CHML: variants seen among roughly 807,000 people sequenced by gnomAD.
CHML encodes the protein rab proteins geranylgeranyltransferase component A 2.
CHML carries 20 observed loss-of-function variants against 30.4 expected under a neutral mutation model. That is an observed-to-expected ratio of 0.66 (90% CI 0.46 to 0.95). The LOEUF (loss-of-function observed/expected upper bound fraction) is 0.95, where lower values mean the gene tolerates loss of function less well. Ranked by LOEUF, CHML falls within the 40% of genes least tolerant of loss-of-function variation. The pLI is 0.00. For synonymous variants in CHML, 281 were observed against 275.0 expected, an observed-to-expected ratio of 1.02 and a Z score of -0.22; for missense variants, 795 against 768.5, an observed-to-expected ratio of 1.03 and a Z score of -0.41.
At chr1:241,639,657 A>T (rs374279072) in intron 1 of CHML, among the ~76,000 whole-genome samples, 12 of 148,846 alleles carry the variant, frequency 8.1e-5, no homozygotes, top group African/African-American at 3.0e-4. Flanking sequence ...AGTCCTGGAC[A>T]GCGTGGGGCG....
At position 241,634,249 on chromosome 1, in the gene CHML, A is replaced by T; in HGVS notation, c.1518T>A (p.Tyr506Ter). ...SSTMTCMKDT[Y>*]LVHLTCSSSK... ...AAGATGAACATGTCAAATGTACCAG[A>T]TAGGTGTCCTTCATGCATGTCATGG... Residue 506 changes from tyrosine (Y) to a stop codon, truncating the protein, a stop_gained, in exon 2 of 2, where the codon TAT becomes TAA. Coordinates refer to ENST00000366553, the MANE Select transcript of CHML (RefSeq NM_001381853.1). LOFTEE classifies it high-confidence loss of function. 1 of 1,613,960 alleles carries T rather than the reference A, an allele frequency of 6.2e-7. No individual in the cohort carries two copies. The highest frequency in any genetic ancestry group is 8.5e-7 in the Non-Finnish European group (1 of 1,179,900).
intron 1 of CHML, among the ~76,000 whole-genome samples, chr1:241,637,887 G>T (rs1664960302): frequency 6.6e-6 from 1 of 152,116 alleles, no homozygotes; most frequent in African/African-American, 2.4e-5. Flanking sequence ...GCATCAAGAA[G>T]CTACTTCCCT....
rs899344201 is a variant in CHML at position 241,632,901 on chromosome 1, C to T, written c.*895G>A. Reference sequence around the variant, plus strand: ...TTCTCCTTAGGAATTCCTAAGAATTCCTCCTTAGGAATTTCAGAACAGCCC... The same window carrying T: ...TTCTCCTTAGGAATTCCTAAGAATTTCTCCTTAGGAATTTCAGAACAGCCC... On this transcript the variant is annotated 3_prime_UTR_variant, in exon 2 of 2. Coordinates refer to ENST00000366553, the MANE Select transcript of CHML (RefSeq NM_001381853.1). 1.3e-5 allele frequency: 2 copies of T among 152,058 alleles called. No individual in the cohort carries two copies. Among genetic ancestry groups the T allele is most frequent in the Non-Finnish European group, 2.9e-5 (2 of 67,986 alleles). The allele number at this position is 152,058 out of a possible 1,614,324, so 9.4% of individuals were successfully genotyped here.
At position 241,634,680 on chromosome 1, in the gene CHML, A is replaced by G; in HGVS notation, c.1087T>C (p.Phe363Leu). Reference sequence around the variant, plus strand: ...CCAAACCGTCCGAGACACTGAAGGAAGTTTTTAGTTGCGTTAAGACCATCT... The same window carrying G: ...CCAAACCGTCCGAGACACTGAAGGAGGTTTTTAGTTGCGTTAAGACCATCT... ...TIDGLNATKNFLQCLGRFGNT... is the reference protein window; with the variant it reads ...TIDGLNATKNLLQCLGRFGNT... The change falls in exon 2 of 2, where the codon TTC (phenylalanine) becomes CTC (leucine). Residue 363 changes from phenylalanine (F) to leucine (L), a missense_variant. Coordinates refer to ENST00000366553, the MANE Select transcript of CHML (RefSeq NM_001381853.1). 6.2e-7 allele frequency: 1 copy of G among 1,614,030 alleles called. No homozygotes were observed. The highest frequency in any genetic ancestry group is 8.5e-7 in the Non-Finnish European group (1 of 1,179,902).
chr1:241,637,228 G>A (rs1011700462), intron 1 of CHML, among the ~76,000 whole-genome samples: 2 of 152,316 alleles, frequency 1.3e-5, no homozygotes, highest in Non-Finnish European at 1.5e-5. Flanking sequence ...TCTAGCCCAA[G>A]ATGACTAATA....
Position 241,633,315 on chromosome 1 carries a change from A to T in CHML, c.*481T>A, listed in dbSNP as rs531780167. The T allele has an allele frequency of 6.2e-6, 1 of 160,978 alleles. No individual in the cohort carries two copies. The highest frequency in any genetic ancestry group is 5.8e-5 in the Admixed American group (1 of 17,202). 10.0% of individuals were successfully genotyped at this position (160,978 alleles called of 1,614,324 possible). On this transcript the variant is annotated 3_prime_UTR_variant, in exon 2 of 2. Coordinates refer to ENST00000366553, the MANE Select transcript of CHML (RefSeq NM_001381853.1). ...AGTTGCTATTCCTACCACCATGTCTATACATTTATATTATATGCAAAAGAT... is the reference window on the plus strand; with the variant it reads ...AGTTGCTATTCCTACCACCATGTCTTTACATTTATATTATATGCAAAAGAT...
rs767300055 is a variant in CHML at position 241,640,053 on chromosome 1, TGTA to T, written c.-482_-480del. 3 of 1,612,494 alleles carry T rather than the reference TGTA, an allele frequency of 1.9e-6. No individual in the cohort carries two copies. The highest frequency in any genetic ancestry group is 4.5e-5 in the East Asian group (2 of 44,610). On this transcript the variant is annotated 5_prime_UTR_variant, in exon 1 of 2. Coordinates refer to ENST00000366553, the MANE Select transcript of CHML (RefSeq NM_001381853.1). The stretch of plus-strand genomic sequence containing the variant: ...GTGGGAGTGCGGAGCCGCTGGAACT[TGTA>T]GTAGAGGACGAGCACCAGCAGGTTG...
At position 241,634,907 on chromosome 1, in the gene CHML, T is replaced by C. The variant is rs2148028129; in HGVS notation, c.860A>G (p.Lys287Arg). The C allele has an allele frequency of 6.2e-7, 1 of 1,611,284 alleles. No homozygotes were observed. The highest frequency in any genetic ancestry group is 1.1e-5 in the South Asian group (1 of 90,404). The change falls in exon 2 of 2, where the codon AAG (lysine) becomes AGG (arginine). Residue 287 changes from lysine to arginine, a missense_variant. Physicochemically the swap from Lys to Arg is conservative, Grantham distance 26. Transcript: ENST00000366553. ...CCTCTTTTCAACCATGGTGAGTTCC[T>C]TGCTATTAAAGACATCTGCTCTGGA... is the stretch of plus-strand genomic sequence containing the variant. ...PCSRADVFNS[K>R]ELTMVEKRML... is the part of the protein sequence containing the mutation.
rs1376747976 is a variant in CHML, at chr1:241,635,094, CTTTAACTA to C, written c.665_672del (p.Ile222ArgfsTer6). 2 of 1,612,840 alleles carry C rather than the reference CTTTAACTA, an allele frequency of 1.2e-6. No homozygotes were observed. Among genetic ancestry groups the C allele is most frequent in the South Asian group, 1.1e-5 (1 of 91,044 alleles). ...AAATCAATATTAAACCTCCTGCCTTCTTTAACTATTTGAGAGTAAGTAATCCTATTTCT... is the reference window on the plus strand; with the variant it reads ...AAATCAATATTAAACCTCCTGCCTTCTTTGAGAGTAAGTAATCCTATTTCT... On this transcript the variant is annotated frameshift_variant, in exon 2 of 2. Coordinates refer to ENST00000366553, the MANE Select transcript of CHML (RefSeq NM_001381853.1). LOFTEE classifies it high-confidence loss of function.
chr1:241,634,618 T>C lies in CHML; in HGVS notation c.1149A>G (p.Gly383=), dbSNP rs757350990. Reference sequence around the variant, plus strand: ...TCCTACAGAAACCCTGGGGAATTTCTCCTTGGCCATACAAGGGAAATAAAA... The same window carrying C: ...TCCTACAGAAACCCTGGGGAATTTCCCCTTGGCCATACAAGGGAAATAAAA... ...TPFLFPLYGQ[G]EIPQGFCRMC... The change falls in exon 2 of 2, where the codon GGA becomes GGG. Residue 383 remains glycine, a synonymous_variant. Coordinates refer to ENST00000366553, the MANE Select transcript of CHML (RefSeq NM_001381853.1). The C allele has an allele frequency of 2.5e-6, 4 of 1,613,942 alleles. No individual in the cohort carries two copies. The South Asian group carries it at 4.4e-5, about 18-fold the overall frequency.
Position 241,639,990 on chromosome 1 carries a change from G to A in CHML, c.-416C>T. 6.2e-7 allele frequency: 1 copy of A among 1,612,870 alleles called. No individual in the cohort carries two copies. The highest frequency in any genetic ancestry group is 8.5e-7 in the Non-Finnish European group (1 of 1,179,512). On this transcript the variant is annotated 5_prime_UTR_variant, in exon 1 of 2. Coordinates refer to ENST00000366553, the MANE Select transcript of CHML (RefSeq NM_001381853.1). ...AAGGTGACCCCGAAGAGGGACACCAGCAGGTCGCTGAGGCTGATGTTGACC... is the reference window on the plus strand; with the variant it reads ...AAGGTGACCCCGAAGAGGGACACCAACAGGTCGCTGAGGCTGATGTTGACC...
At chr1:241,639,405 C>T (rs1665025373) in intron 1 of CHML, among the ~76,000 whole-genome samples, 1 of 152,166 alleles carries the variant, frequency 6.6e-6, no homozygotes, top group Non-Finnish European at 1.5e-5. Flanking sequence ...TTTCTACTCT[C>T]ATTTTAGGAA....
rs375033553 is a variant in CHML, at chr1:241,634,893, C to G, written c.874G>C (p.Val292Leu). The G allele has an allele frequency of 1.2e-6, 2 of 1,610,450 alleles. No individual in the cohort carries two copies. Among genetic ancestry groups the G allele is most frequent in the African/African-American group, 1.3e-5 (1 of 74,602 alleles). Residue 292 changes from valine to leucine, a missense_variant, in exon 2 of 2, where the codon GTT becomes CTT. Val to Leu is a conservative substitution (Grantham distance 32). Coordinates refer to ENST00000366553, the MANE Select transcript of CHML (RefSeq NM_001381853.1). ...AATTTCATTAGCATCCTCTTTTCAA[C>G]CATGGTGAGTTCCTTGCTATTAAAG... Reference protein sequence around the residue: ...DVFNSKELTMVEKRMLMKFLT... With the variant: ...DVFNSKELTMLEKRMLMKFLT...
At chr1:241,639,779 G>C in intron 1 of CHML, 103 bp downstream of exon 1, 4 of 1,105,328 alleles carry the variant, frequency 3.6e-6, no homozygotes, top group South Asian at 3.9e-5. Context: ...GGCCGAGCGG[G>C]AAGCGGTGCG....
Position 241,633,871 on chromosome 1 carries a change from AT to A in CHML, c.1895del (p.Asn632MetfsTer2), listed in dbSNP as rs754721864. On this transcript the variant is annotated frameshift_variant, in exon 2 of 2. Transcript: ENST00000366553. LOFTEE classifies it low-confidence loss of function (END_TRUNC). ...DKQPEAPGTN[N>X]VVMAKLESSE... ...AGGATTCTAGTTTGGCCATTACTACATTATTGGTTCCAGGAGCCTCTGGCTG... is the reference window on the plus strand; with the variant it reads ...AGGATTCTAGTTTGGCCATTACTACATATTGGTTCCAGGAGCCTCTGGCTG... 1 of 1,613,842 alleles carries A rather than the reference AT, an allele frequency of 6.2e-7. No homozygotes were observed. Among genetic ancestry groups the A allele is most frequent in the South Asian group, 1.1e-5 (1 of 91,070 alleles).
At position 241,633,223 on chromosome 1, in the gene CHML, T is replaced by C. The variant is rs1205879103; in HGVS notation, c.*573A>G. On this transcript the variant is annotated 3_prime_UTR_variant, in exon 2 of 2. Coordinates refer to ENST00000366553, the MANE Select transcript of CHML (RefSeq NM_001381853.1). ...TCAGACCTTCACAGTGCATAAAGGA[T>C]CATGCAAAGCTAATCTTTAAACGAT... The C allele has an allele frequency of 1.3e-5, 2 of 155,138 alleles. No individual in the cohort carries two copies. Among genetic ancestry groups the C allele is most frequent in the Admixed American group, 6.3e-5 (1 of 15,908 alleles). 9.6% of individuals were successfully genotyped at this position (155,138 alleles called of 1,614,324 possible). A position where few individuals can be genotyped will look rare whatever the true frequency, so the allele number is the denominator to read the frequency against.
Position 241,636,641 on chromosome 1 carries a change from T to C in CHML, c.-307-568A>G, listed in dbSNP as rs988745543. ...AAAAGGATTAATTCAGTAAAACAAC[T>C]GGCCATTTAAAAATATTTAGGCTCA... On this transcript the variant is annotated intron_variant, in intron 1 of 1. Coordinates refer to ENST00000366553, the MANE Select transcript of CHML (RefSeq NM_001381853.1). 5.9e-5 allele frequency among the ~76,000 whole-genome samples: 9 copies of C among 152,142 alleles called. No individual in the cohort carries two copies. In the East Asian group the frequency reaches 1.7e-3, roughly 29 times the overall value.
Position 241,640,294 on chromosome 1 carries a change from C to T in CHML, c.-720G>A, listed in dbSNP as rs1665076713. 8.8e-7 allele frequency: 1 copy of T among 1,138,674 alleles called. No homozygotes were observed. Among genetic ancestry groups the T allele is most frequent in the African/African-American group, 1.6e-5 (1 of 60,898 alleles). 70.5% of individuals were successfully genotyped at this position (1,138,674 alleles called of 1,614,324 possible). ...GCGCCTGGCGGGCGGAGGCGCTCAG[C>T]TTGCGGCGGGGCTCGCGGCGCGCTC... On this transcript the variant is annotated 5_prime_UTR_variant, in exon 1 of 2. Transcript: ENST00000366553.
In CHML at chr1:241,633,549, T is replaced by C; in HGVS notation, c.*247A>G. On this transcript the variant is annotated 3_prime_UTR_variant, in exon 2 of 2. Transcript: ENST00000366553. ...TATATACCCAATACTAAAATAAAGC[T>C]AACTCTGTTTTAAGATTCTGGGTCA... The C allele has an allele frequency of 2.0e-6, 1 of 493,338 alleles. No homozygotes were observed. The highest frequency in any genetic ancestry group is 3.9e-5 in the Admixed American group (1 of 25,904). 30.6% of individuals were successfully genotyped at this position (493,338 alleles called of 1,614,324 possible).
Sources: allele counts gnomAD v4.1 joint callset (sites outside exome capture counted in the v4.1 genomes callset), GRCh38; gene constraint gnomAD v4.1.1; transcripts MANE v1.5; gene names NCBI Gene and HGNC (gene_info 2026-07-23, HGNC 2026-07-21).